Variants in PRSS54 observed in about 807,000 individuals in gnomAD.
The protein encoded by PRSS54 is serine protease 54, also known as inactive serine protease 54.
A neutral mutation model predicts 19.9 loss-of-function variants in PRSS54; 16 were observed. The observed-to-expected ratio is 0.80, with a 90% CI of 0.54 to 1.22. PRSS54 has a LOEUF of 1.22. PRSS54 is among the 50% of genes most tolerant of loss of function. The probability of loss-of-function intolerance (pLI) is 0.00; values close to 1 mark genes in which losing one functional copy is unlikely to be tolerated. For synonymous variants in PRSS54, 177 were observed against 195.8 expected, an observed-to-expected ratio of 0.90 and a Z score of 0.80; for missense variants, 444 against 494.8, an observed-to-expected ratio of 0.90 and a Z score of 0.97.
rs193248884 is a variant in PRSS54, at chr16:58,280,114, G to C, written c.*110C>G. On this transcript the variant is annotated 3_prime_UTR_variant, in exon 7 of 7. Coordinates refer to ENST00000567164, the MANE Select transcript of PRSS54 (RefSeq NM_001305173.2). The stretch of plus-strand genomic sequence containing the variant: ...CCCAGTGTATGCCATGGGCTTATCC[G>C]TGGCAGCCCCAGTGTGCAACTATCA... 13 of 1,121,976 alleles carry C rather than the reference G, an allele frequency of 1.2e-5. No individual in the cohort carries two copies. The Admixed American group carries it at 3.0e-4, about 26-fold the overall frequency. The allele number at this position is 1,121,976 out of a possible 1,614,324, so 69.5% of individuals were successfully genotyped here. A position where few individuals can be genotyped will look rare whatever the true frequency, so the allele number is the denominator to read the frequency against.
rs1482811783 is a variant in PRSS54, at chr16:58,286,066, G to A, written c.393C>T (p.Ala131=). Residue 131 remains alanine (A), a synonymous_variant, in exon 5 of 7, where the codon GCC becomes GCT. Coordinates refer to ENST00000567164, the MANE Select transcript of PRSS54 (RefSeq NM_001305173.2). ...GCATCGCTGTGTCTGTCTTCAGGAGGGCTATGTTGTTGCTCATGGAGTTGT... is the reference window on the plus strand; with the variant it reads ...GCATCGCTGTGTCTGTCTTCAGGAGAGCTATGTTGTTGCTCATGGAGTTGT... ...FDNNSMSNNI[A]LLKTDTAMHF... The A allele has an allele frequency of 1.2e-6, 2 of 1,614,200 alleles. No individual in the cohort carries two copies. Among genetic ancestry groups the A allele is most frequent in the South Asian group, 2.2e-5 (2 of 91,078 alleles).
chr16:58,293,817 G>C lies in PRSS54; in HGVS notation c.-1C>G, dbSNP rs1965091173. 6.2e-7 allele frequency: 1 copy of C among 1,611,452 alleles called. No homozygotes were observed. Among genetic ancestry groups the C allele is most frequent in the African/African-American group, 1.3e-5 (1 of 74,858 alleles). On this transcript the variant is annotated 5_prime_UTR_variant, in exon 3 of 7. Coordinates refer to ENST00000567164, the MANE Select transcript of PRSS54 (RefSeq NM_001305173.2). ...CAGAGAGACCCGCCGCGGACACCAT[G>C]GGCAGCTGGGGAAACAAAACCCAAT...
intron 4 of PRSS54, among the ~76,000 whole-genome samples, chr16:58,286,895 A>C (rs1964930587): frequency 6.6e-6 from 1 of 152,206 alleles, no homozygotes; most frequent in Non-Finnish European, 1.5e-5. Flanking sequence ...AAAGAAGCGA[A>C]AAGGAAAGAA....
intron 4 of PRSS54, 98 bp from the exon 5 acceptor site, chr16:58,286,293 A>C: frequency 7.9e-7 from 1 of 1,260,450 alleles, no homozygotes; most frequent in Non-Finnish European, 1.1e-6. Flanking sequence ...TGGAACACTC[A>C]TCCAGCTCAT....
intron 3 of PRSS54, 85 bp from the exon 4 acceptor site, chr16:58,291,221 C>G: frequency 1.6e-6 from 2 of 1,262,532 alleles, no homozygotes; most frequent in Non-Finnish European, 2.2e-6. Context: ...TCGATCATCA[C>G]TAACGCTATC....
chr16:58,280,846 A>G, intron 6 of PRSS54, 89 bp from the exon 7 acceptor site: 1 of 1,285,522 alleles, frequency 7.8e-7, no homozygotes, highest in Non-Finnish European at 1.1e-6. Context: ...TTGTTCTAGA[A>G]ATGTTTTACG....
chr16:58,285,101 C>T (rs72786153), intron 5 of PRSS54: 16,938 of 166,328 alleles, frequency 0.1, 967 homozygotes, highest in Admixed American at 0.12. Context: ...AGGCATGAGC[C>T]GCTGTGCCCT....
At chr16:58,293,293 C>T (rs7205814) in intron 3 of PRSS54, among the ~76,000 whole-genome samples, 84,441 of 151,994 alleles carry the variant, frequency 0.56, 24,029 homozygotes, top group African/African-American at 0.65. Context: ...AGGAGGGGAC[C>T]GCAGCTGCCA....
At chr16:58,283,945 A>T (rs185527082) in intron 6 of PRSS54, 22 of 152,280 alleles carry the variant, frequency 1.4e-4, no homozygotes, top group African/African-American at 5.1e-4. Flanking sequence ...TTTAGAGGAG[A>T]GTGTGTGTTA....
intron 3 of PRSS54, among the ~76,000 whole-genome samples, chr16:58,293,028 T>C (rs1399463953): frequency 1.3e-5 from 2 of 152,068 alleles, no homozygotes; most frequent in African/African-American, 4.8e-5. Flanking sequence ...GACTCCCCTC[T>C]ATGTGTGTGC....
At chr16:58,283,138 G>C (rs1964823115) in intron 6 of PRSS54, 1 of 152,222 alleles carries the variant, frequency 6.6e-6, no homozygotes, top group African/African-American at 2.4e-5. Flanking sequence ...TAGAATAAAG[G>C]CAGGATGGGT....
intron 3 of PRSS54, 104 bp from the exon 4 acceptor site, chr16:58,291,240 C>T (rs1596909210): frequency 1.9e-6 from 2 of 1,040,374 alleles, no homozygotes; most frequent in Admixed American, 2.8e-5. Flanking sequence ...TCCGCAACCC[C>T]TTTTCTTTCT....
chr16:58,285,124 CT>C (rs1328243795), intron 5 of PRSS54: 4 of 159,358 alleles, frequency 2.5e-5, no homozygotes, highest in African/African-American at 9.6e-5. Context: ...CAGGAATGTT[CT>C]TATAAATCCC....
At position 58,284,572 on chromosome 16, in the gene PRSS54, A is replaced by G. The variant is rs1176319703; in HGVS notation, c.654+18T>C. The G allele has an allele frequency of 6.2e-7, 1 of 1,613,032 alleles. No homozygotes were observed. The highest frequency in any genetic ancestry group is 1.3e-5 in the African/African-American group (1 of 74,726). ...GGCTTACTCTCAACACTTAGCTTCT[A>G]CTCCATGATGTTCTTACCAAGCAGG... is the stretch of plus-strand genomic sequence containing the variant. On this transcript the variant is annotated intron_variant, in intron 6 of 6. Coordinates refer to ENST00000567164, the MANE Select transcript of PRSS54 (RefSeq NM_001305173.2).
Position 58,284,621 on chromosome 16 carries a change from T to C in PRSS54, c.623A>G (p.His208Arg). 1 of 1,614,102 alleles carries C rather than the reference T, an allele frequency of 6.2e-7. No individual in the cohort carries two copies. Among genetic ancestry groups the C allele is most frequent in the Non-Finnish European group, 8.5e-7 (1 of 1,179,984 alleles). ...YKLQKTECGS[H>R]TKEETKTACL... ...GGCAGTCTTGGTTTCCTCTTTCGTG[T>C]GGCTGCCGCATTCTGTCTTCTGGAG... is the stretch of plus-strand genomic sequence containing the variant. The change falls in exon 6 of 7, where the codon CAC becomes CGC. Residue 208 changes from histidine to arginine, a missense_variant. His to Arg is a conservative substitution (Grantham distance 29). Transcript: ENST00000567164.
intron 6 of PRSS54, chr16:58,281,052 C>T: frequency 2.8e-6 from 1 of 352,660 alleles, no homozygotes; most frequent in Admixed American, 4.3e-5. Flanking sequence ...CCTTCCCTCT[C>T]TTCTGGCTTC....
rs151211769 is a variant in PRSS54 at position 58,280,599 on chromosome 16, G to A, written c.813C>T (p.Ala271=). 8.2e-5 allele frequency: 132 copies of A among 1,614,108 alleles called. 2 individuals are homozygous for A. In the South Asian group the frequency reaches 9.8e-4, roughly 12 times the overall value. ...SKWITSKAER[A]GPPLSSLHHW... ...GGTGGAGTGAGGACAGGGGAGGGCC[G>A]GCCCTCTCAGCCTTGGATGTGATCC... Residue 271 remains alanine, a synonymous_variant, in exon 7 of 7, where the codon GCC becomes GCT. Coordinates refer to ENST00000567164, the MANE Select transcript of PRSS54 (RefSeq NM_001305173.2).
chr16:58,290,213 A>T (rs973078061), intron 4 of PRSS54, among the ~76,000 whole-genome samples: 8 of 150,992 alleles, frequency 5.3e-5, no homozygotes. Context: ...GAAAAATTAT[A>T]ATTTCATCCC....
intron 3 of PRSS54, among the ~76,000 whole-genome samples, chr16:58,292,517 A>T (rs139278688): frequency 6.6e-6 from 1 of 152,052 alleles, no homozygotes; most frequent in East Asian, 1.9e-4. Context: ...TGATTGTAAC[A>T]TATAGAATTA....
Sources: gnomAD v4.1 joint callset for allele counts (sites outside exome capture counted in the v4.1 genomes callset) on GRCh38, gnomAD v4.1.1 for gene constraint, MANE v1.5 for transcripts, NCBI Gene and HGNC (gene_info 2026-07-23, HGNC 2026-07-21) for gene names.